Variants in PAK4 observed in about 807,000 individuals in gnomAD.
PAK4 encodes p21 (RAC1) activated kinase 4.
PAK4 carries 49 observed loss-of-function variants against 53.5 expected under a neutral mutation model. The ratio of observed to expected loss-of-function variants is 0.92; its 90% CI spans 0.73 to 1.16. The LOEUF (loss-of-function observed/expected upper bound fraction) is 1.16. Among genes scored for constraint, PAK4 ranks in the 50% most tolerant of loss-of-function variants. The probability of loss-of-function intolerance (pLI) is 0.00; values close to 1 mark genes in which losing one functional copy is unlikely to be tolerated. For synonymous variants in PAK4, 376 were observed against 375.6 expected (o/e 1.00, Z -0.01); for missense variants, 824 against 850.7 (o/e 0.97, Z 0.39).
Position 39,161,658 on chromosome 19 carries a change from C to T in PAK4, c.-22-7874C>T, listed in dbSNP as rs771608846. ...CTGGGCTCAGAGACCCCTGCAACTCCGTCTCACTCGGGAAAGGACCAGGCC... is the reference window on the plus strand; with the variant it reads ...CTGGGCTCAGAGACCCCTGCAACTCTGTCTCACTCGGGAAAGGACCAGGCC... On this transcript the variant is annotated intron_variant, in intron 1 of 8. Coordinates refer to ENST00000358301, the Ensembl canonical transcript of PAK4. This position sits in a 1 kb window ranked among gnomAD's most constrained non-coding sequence, Gnocchi z 4.5. 9.9e-5 allele frequency among the ~76,000 whole-genome samples: 15 copies of T among 151,956 alleles called. No individual in the cohort carries two copies. Among genetic ancestry groups the T allele is most frequent in the African/African-American group, 2.7e-4 (11 of 41,372 alleles).
At chr19:39,143,289 T>TAAAAAAAAAAAA in intron 1 of PAK4, among the ~76,000 whole-genome samples, 1 of 117,748 alleles carries the variant, frequency 8.5e-6, no homozygotes, top group Non-Finnish European at 1.7e-5. Flanking sequence ...GTAGAAGCAT[T>TAAAAAAAAAAAA]AAAAAAAAAA....
In PAK4 at chr19:39,137,983, G is replaced by GTT. The variant is rs74559237; in HGVS notation, c.-23+12079_-23+12080dup. Among the ~76,000 whole-genome samples, 919 of 128,660 alleles carry GTT rather than the reference G, an allele frequency of 7.1e-3. 13 individuals carry two copies. Among genetic ancestry groups the GTT allele is most frequent in the African/African-American group, 0.025 (857 of 34,628 alleles). 84.4% of individuals were successfully genotyped at this position (128,660 alleles called of 152,430 possible). On this transcript the variant is annotated intron_variant, in intron 1 of 8. Transcript: ENST00000358301. The stretch of plus-strand genomic sequence containing the variant: ...GCCTAGTGTCTTAGCCATTCCTGAG[G>GTT]TTTTTTTTTTTTTTTTGAGACAGGG...
At chr19:39,174,319 G>A (rs1001775860) in intron 4 of PAK4, among the ~76,000 whole-genome samples, 5 of 151,620 alleles carry the variant, frequency 3.3e-5, no homozygotes, top group Non-Finnish European at 7.4e-5. Flanking sequence ...AGGGTACAGT[G>A]TCCTCCAGAC....
intron 1 of PAK4, among the ~76,000 whole-genome samples, chr19:39,130,830 C>A (rs945739674): frequency 6.6e-6 from 1 of 150,590 alleles, no homozygotes; most frequent in African/African-American, 2.4e-5. Context: ...GCTTTAGTGA[C>A]ATCTGGTTTT....
chr19:39,162,616 C>G (rs866957501), intron 1 of PAK4, among the ~76,000 whole-genome samples: 8 of 152,050 alleles, frequency 5.3e-5, no homozygotes, highest in South Asian at 2.1e-4. Context: ...CAGCTCCTTT[C>G]TGATTGCTGC....
rs996822387 is a variant in PAK4, at chr19:39,178,982, A to G, written c.*403A>G. 15 of 156,684 alleles carry G rather than the reference A, an allele frequency of 9.6e-5. No homozygotes were observed. The highest frequency in any genetic ancestry group is 4.5e-4 in the Admixed American group (7 of 15,400). 9.7% of individuals were successfully genotyped at this position (156,684 alleles called of 1,614,324 possible). ...TGCATGTGTGTGTGTGCAAAGGTCC[A>G]GCCACCCCGTCCTCCAGCCTGCAAG... On this transcript the variant is annotated 3_prime_UTR_variant, in exon 9 of 9. Coordinates refer to ENST00000358301, the Ensembl canonical transcript of PAK4. This position sits in a 1 kb window ranked among gnomAD's most constrained non-coding sequence, Gnocchi z 4.4.
Position 39,175,221 on chromosome 19 carries a change from A to G in PAK4, c.1233-91A>G. ...CTCCAGAGTGGGGTCGAGTGGTCTC[A>G]GATTCCTCCCACTGCAAGGCAGGGC... On this transcript the variant is annotated intron_variant, in intron 5 of 8. Transcript: ENST00000358301. The surrounding 1 kb of genome is among the most constrained non-coding windows in gnomAD (Gnocchi z 4.7). The G allele has an allele frequency of 6.7e-7, 1 of 1,485,004 alleles. No individual in the cohort carries two copies. Among genetic ancestry groups the G allele is most frequent in the Non-Finnish European group, 9.1e-7 (1 of 1,095,726 alleles). 92.0% of individuals were successfully genotyped at this position (1,485,004 alleles called of 1,614,324 possible). A position where few individuals can be genotyped will look rare whatever the true frequency, so the allele number is the denominator to read the frequency against.
intron 1 of PAK4, among the ~76,000 whole-genome samples, chr19:39,149,838 A>G (rs1450255637): frequency 6.6e-6 from 1 of 152,216 alleles, no homozygotes; most frequent in Non-Finnish European, 1.5e-5. Context: ...CCCAGGCAAC[A>G]GAGAGAGACT....
downstream of PAK4, chr19:39,180,446 A>AT (rs560383368): frequency 0.037 from 5,329 of 144,226 alleles, 118 homozygotes; most frequent in African/African-American, 0.05. Flanking sequence ...TTCAAATGAG[A>AT]TTTTTTTTTT....
chr19:39,127,423 C>G (rs1347813824), intron 1 of PAK4, among the ~76,000 whole-genome samples: 1 of 152,090 alleles, frequency 6.6e-6, no homozygotes, highest in African/African-American at 2.4e-5. Context: ...CGGGACCACC[C>G]TGGCTCGCCT....
chr19:39,134,530 G>A (rs983245307), intron 1 of PAK4, among the ~76,000 whole-genome samples: 6 of 149,864 alleles, frequency 4.0e-5, no homozygotes, highest in Non-Finnish European at 7.4e-5. Flanking sequence ...GCTTTCTTTC[G>A]CCCTTAGGCC....
At chr19:39,137,496 G>A (rs996070988) in intron 1 of PAK4, among the ~76,000 whole-genome samples, 1 of 152,260 alleles carries the variant, frequency 6.6e-6, no homozygotes, top group South Asian at 2.1e-4. Context: ...TCACAGATTG[G>A]GAGGTGAGGG....
At chr19:39,149,048 G>GA (rs2074052525) in intron 1 of PAK4, among the ~76,000 whole-genome samples, 1 of 152,180 alleles carries the variant, frequency 6.6e-6, no homozygotes, top group Non-Finnish European at 1.5e-5. Flanking sequence ...AGGATGTGGG[G>GA]AAATTGGAGC....
chr19:39,128,110 C>T (rs545505815), intron 1 of PAK4, among the ~76,000 whole-genome samples: 26 of 152,282 alleles, frequency 1.7e-4, no homozygotes, highest in Middle Eastern at 3.4e-3. Flanking sequence ...GGTACACACC[C>T]CTCTCCATCA....
intron 1 of PAK4, among the ~76,000 whole-genome samples, chr19:39,146,105 G>A (rs2073994837): frequency 6.6e-6 from 1 of 152,232 alleles, no homozygotes. Context: ...TGTCATGCTT[G>A]CCATTCATTC....
chr19:39,132,812 G>A (rs1482047299), intron 1 of PAK4, among the ~76,000 whole-genome samples: 2 of 152,244 alleles, frequency 1.3e-5, no homozygotes, highest in Non-Finnish European at 2.9e-5. Context: ...TCCCTTGCTG[G>A]AATAGACGGG....
intron 1 of PAK4, among the ~76,000 whole-genome samples, chr19:39,158,122 TGCGTGCGTGCATGTGTGA>T (rs1036220859): frequency 4.0e-5 from 6 of 150,666 alleles, no homozygotes; most frequent in African/African-American, 1.5e-4. Flanking sequence ...ATTGTGTGAG[TGCGTGCGTGCATGTGTGA>T]GCGTGCGTGT....
chr19:39,169,734 T>G, exon 2 of PAK4: 1 of 1,605,860 alleles, frequency 6.2e-7, no homozygotes, highest in Non-Finnish European at 8.5e-7. Flanking sequence ...CTGCATCACC[T>G]CCATCCAGCC....
At chr19:39,169,640 G>A in exon 2 of PAK4, 1 of 1,613,598 alleles carries the variant, frequency 6.2e-7, no homozygotes, top group Non-Finnish European at 8.5e-7. Flanking sequence ...ACCAGCACGA[G>A]CAGAAGTTCA....
Sources: allele counts gnomAD v4.1 joint callset (sites outside exome capture counted in the v4.1 genomes callset), GRCh38; gene constraint gnomAD v4.1.1; non-coding constraint Gnocchi (gnomAD v3.1); transcripts MANE v1.5; gene names NCBI Gene and HGNC (gene_info 2026-07-23, HGNC 2026-07-21).